The following RD3 variants were observed in gnomAD, a reference collection of about 807,000 sequenced individuals.
RD3 encodes protein RD3.
Under a neutral mutation model 16.9 loss-of-function variants are expected in RD3, and 11 were observed. The observed-to-expected ratio is 0.65, with a 90% confidence interval of 0.41 to 1.08. The LOEUF (loss-of-function observed/expected upper bound fraction) is 1.08, where lower values mean the gene tolerates loss of function less well. Among genes scored for constraint, RD3 ranks in the 50% least tolerant of loss-of-function variants. The pLI, the probability that RD3 is intolerant of heterozygous loss-of-function variation, is 0.00. For missense variants in RD3, 274 were observed against 267.4 expected (o/e 1.02, Z -0.17); for synonymous variants, 116 against 114.8 (o/e 1.01, Z -0.07).
At chr1:211,480,250 A>G (rs898219063) in intron 2 of RD3, among the ~76,000 whole-genome samples, 7 of 152,104 alleles carry the variant, frequency 4.6e-5, no homozygotes, top group African/African-American at 1.4e-4. Context: ...AAGGGGAGGG[A>G]TGGTAAAAGC....
In RD3 at chr1:211,479,065, G is replaced by C. The variant is rs1051185578; in HGVS notation, c.559C>G (p.Pro187Ala). The change falls in exon 3 of 3, where the codon CCC (proline) becomes GCC (alanine). Residue 187 changes from proline (P) to alanine (A), a missense_variant. Transcript: ENST00000680073. ...TCGGCTTTGGGCGCCCGGAATTCGG[G>C]CATGCTCCAGGACCGCAGTGGCGGC... ...TPPPLRSWSM[P>A]EFRAPKAD is the part of the protein sequence containing the mutation. 8 of 1,605,208 alleles carry C rather than the reference G, an allele frequency of 5.0e-6. No individual in the cohort carries two copies. The highest frequency in any genetic ancestry group is 6.0e-6 in the Non-Finnish European group (7 of 1,176,320).
intron 1 of RD3, among the ~76,000 whole-genome samples, chr1:211,487,758 G>A (rs1705405907): frequency 6.6e-6 from 1 of 152,220 alleles, no homozygotes; most frequent in Admixed American, 6.5e-5. Context: ...ACAGTGGCGT[G>A]TGCGGGGAGG....
chr1:211,480,975 C>T (rs1199272428), intron 2 of RD3, 145 bp downstream of exon 2: 2 of 871,712 alleles, frequency 2.3e-6, no homozygotes, highest in Non-Finnish European at 3.7e-6. Context: ...CTCTTTCAGA[C>T]TCCTTTTCCC....
Position 211,479,221 on chromosome 1 carries a change from C to T in RD3, c.403G>A (p.Ala135Thr). The T allele has an allele frequency of 3.7e-6, 6 of 1,610,174 alleles. No individual in the cohort carries two copies. The highest frequency in any genetic ancestry group is 5.1e-6 in the Non-Finnish European group (6 of 1,178,596). ...VLERMKQEEE[A>T]HKLTRQWSLR... Reference sequence around the variant, plus strand: ...CTCCACTGGCGCGTCAGCTTGTGGGCCTCCTCTTCCTGCTTCATCCTCTCC... The same window carrying T: ...CTCCACTGGCGCGTCAGCTTGTGGGTCTCCTCTTCCTGCTTCATCCTCTCC... The change falls in exon 3 of 3, where the codon GCC becomes ACC. Residue 135 changes from alanine to threonine, a missense_variant. Coordinates refer to ENST00000680073, the MANE Select transcript of RD3 (RefSeq NM_001164688.2).
intron 1 of RD3, among the ~76,000 whole-genome samples, chr1:211,491,531 C>T (rs914029649): frequency 3.3e-5 from 5 of 152,128 alleles, no homozygotes; most frequent in African/African-American, 7.2e-5. Context: ...GCTATAGCCC[C>T]GAGGAAGCTG....
chr1:211,489,939 C>G (rs1218362984), intron 1 of RD3, among the ~76,000 whole-genome samples: 1 of 152,234 alleles, frequency 6.6e-6, no homozygotes, highest in Non-Finnish European at 1.5e-5. Context: ...CTTCCATTCT[C>G]TGATCTTCTC....
rs758565860 is a variant in RD3, at chr1:211,481,257, C to T, written c.159G>A (p.Lys53=). The change falls in exon 2 of 3, where the codon AAG becomes AAA. Residue 53 remains lysine (K), a synonymous_variant. Coordinates refer to ENST00000680073, the MANE Select transcript of RD3 (RefSeq NM_001164688.2). ...AGCTGTAGTCCACACCGGTGCAGAC[C>T]TTTCTGACCGCATTGCTGCGCTCCC... ...QQRERSNAVR[K]VCTGVDYSWL... is the part of the protein sequence containing the mutation. The T allele has an allele frequency of 6.2e-7, 1 of 1,614,270 alleles. No individual in the cohort carries two copies. Among genetic ancestry groups the T allele is most frequent in the South Asian group, 1.1e-5 (1 of 91,090 alleles).
chr1:211,486,840 T>C (rs1216611013), intron 1 of RD3, among the ~76,000 whole-genome samples: 2 of 151,944 alleles, frequency 1.3e-5, no homozygotes, highest in Non-Finnish European at 2.9e-5. Flanking sequence ...CGAAACTCTG[T>C]CTCCAAAAAA....
At chr1:211,489,238 T>C (rs993433006) in intron 1 of RD3, among the ~76,000 whole-genome samples, 5 of 152,230 alleles carry the variant, frequency 3.3e-5, no homozygotes, top group South Asian at 2.1e-4. Context: ...TACAGATTCT[T>C]ACCCTTGGGT....
intron 1 of RD3, among the ~76,000 whole-genome samples, chr1:211,490,985 A>T (rs1039049941): frequency 6.6e-6 from 1 of 152,260 alleles, no homozygotes; most frequent in East Asian, 1.9e-4. Flanking sequence ...AATCTGCTGC[A>T]CATGGTAGCA....
Position 211,478,169 on chromosome 1 carries a change from G to T in RD3, c.*867C>A, listed in dbSNP as rs1477223677. 2 of 398,574 alleles carry T rather than the reference G, an allele frequency of 5.0e-6. No homozygotes were observed. The highest frequency in any genetic ancestry group is 8.8e-6 in the Non-Finnish European group (2 of 226,122). The allele number at this position is 398,574 out of a possible 1,614,324, so 24.7% of individuals were successfully genotyped here. Reference sequence around the variant, plus strand: ...TGAAGTCCTTGGAGCTGAGCCTCTGGAAGAAGCTGTTAGGGACTGGCCACA... The same window carrying T: ...TGAAGTCCTTGGAGCTGAGCCTCTGTAAGAAGCTGTTAGGGACTGGCCACA... On this transcript the variant is annotated 3_prime_UTR_variant, in exon 3 of 3. Coordinates refer to ENST00000680073, the MANE Select transcript of RD3 (RefSeq NM_001164688.2).
chr1:211,490,390 A>G (rs1705460944), intron 1 of RD3, among the ~76,000 whole-genome samples: 1 of 152,214 alleles, frequency 6.6e-6, no homozygotes, highest in Non-Finnish European at 1.5e-5. Flanking sequence ...CGGGTCCTCC[A>G]CCTCTGAAGC....
intron 2 of RD3, 86 bp from the exon 3 acceptor site, chr1:211,479,413 T>A (rs11119749): frequency 0.14 from 173,256 of 1,264,464 alleles, 13,746 homozygotes; most frequent in African/African-American, 0.33. Flanking sequence ...GGGCTGCCCG[T>A]GCATCCTCAT....
intron 2 of RD3, among the ~76,000 whole-genome samples, chr1:211,479,586 T>G (rs1705220713): frequency 6.6e-6 from 1 of 152,188 alleles, no homozygotes; most frequent in Non-Finnish European, 1.5e-5. Flanking sequence ...TGCCTTTGTG[T>G]GAGCTATAAT....
In RD3 at chr1:211,479,310, G is replaced by A. The variant is rs761013430; in HGVS notation, c.314C>T (p.Ala105Val). The A allele has an allele frequency of 6.2e-7, 1 of 1,603,110 alleles. No homozygotes were observed. The highest frequency in any genetic ancestry group is 8.5e-7 in the Non-Finnish European group (1 of 1,175,110). ...PAILRFRQLLAEQEPEVQEVS... is the reference protein window; with the variant it reads ...PAILRFRQLLVEQEPEVQEVS... ...CTCCTGCACCTCGGGCTCCTGCTCC[G>A]CCAGCAGCTGCCGGAACCTGGGCGG... The change falls in exon 3 of 3, where the codon GCG becomes GTG. Residue 105 changes from alanine to valine, a missense_variant. Ala to Val is a moderately conservative substitution (Grantham distance 64). Transcript: ENST00000680073.
chr1:211,491,147 C>T (rs1391303579), intron 1 of RD3, among the ~76,000 whole-genome samples: 1 of 152,148 alleles, frequency 6.6e-6, no homozygotes, highest in African/African-American at 2.4e-5. Context: ...GCTGGACTTT[C>T]CTTCTAGGCC....
Position 211,478,393 on chromosome 1 carries a change from G to T in RD3, c.*643C>A, listed in dbSNP as rs964391608. 34 of 389,402 alleles carry T rather than the reference G, an allele frequency of 8.7e-5. No homozygotes were observed. The highest frequency in any genetic ancestry group is 1.3e-3 in the Middle Eastern group (2 of 1,554). The allele number at this position is 389,402 out of a possible 1,614,324, so 24.1% of individuals were successfully genotyped here. ...AAACTCAGGAACAGACACTATTCAT[G>T]CAGGAACAATCTCACTGTTCATGAG... On this transcript the variant is annotated 3_prime_UTR_variant, in exon 3 of 3. Coordinates refer to ENST00000680073, the MANE Select transcript of RD3 (RefSeq NM_001164688.2).
Position 211,482,985 on chromosome 1 carries a change from C to T in RD3, c.-11-1559G>A, listed in dbSNP as rs554006994. Among the ~76,000 whole-genome samples, 63 of 152,018 alleles carry T rather than the reference C, an allele frequency of 4.1e-4. 2 individuals carry two copies. Among genetic ancestry groups the T allele is most frequent in the African/African-American group, 1.5e-3 (61 of 41,304 alleles). On this transcript the variant is annotated intron_variant, in intron 1 of 2. Coordinates refer to ENST00000680073, the MANE Select transcript of RD3 (RefSeq NM_001164688.2). ...AGAGGACACATGCATTTTTAGGCCA[C>T]CCTCCCATCACCCTGCACCCCAGTG... is the stretch of plus-strand genomic sequence containing the variant.
Position 211,477,963 on chromosome 1 carries a change from T to G in RD3, c.*1073A>C. On this transcript the variant is annotated 3_prime_UTR_variant, in exon 3 of 3. Coordinates refer to ENST00000680073, the MANE Select transcript of RD3 (RefSeq NM_001164688.2). The stretch of plus-strand genomic sequence containing the variant: ...CATGCCCATCATCAAGGCCTAACCA[T>G]GTTAGAAAAGGGAAGGACAATGAAG... The G allele has an allele frequency of 2.5e-6, 1 of 393,470 alleles. No individual in the cohort carries two copies. Among genetic ancestry groups the G allele is most frequent in the Non-Finnish European group, 4.5e-6 (1 of 223,414 alleles). The allele number at this position is 393,470 out of a possible 1,614,324, so 24.4% of individuals were successfully genotyped here. A position where few individuals can be genotyped will look rare whatever the true frequency, so the allele number is the denominator to read the frequency against.
Sources: gnomAD v4.1 joint callset for allele counts (sites outside exome capture counted in the v4.1 genomes callset) on GRCh38, gnomAD v4.1.1 for gene constraint, MANE v1.5 for transcripts, NCBI Gene and HGNC (gene_info 2026-07-23, HGNC 2026-07-21) for gene names.